Variants in CHST11 observed in about 807,000 individuals in gnomAD.
CHST11 encodes the protein C4S-1.
In CHST11, 9 loss-of-function variants were observed where a neutral mutation model predicts 30.4. The observed-to-expected ratio is 0.30, with a 90% CI of 0.18 to 0.52. The LOEUF (loss-of-function observed/expected upper bound fraction) is 0.52, where lower values mean the gene tolerates loss of function less well. CHST11 is among the 20% of genes least tolerant of loss of function. The probability of loss-of-function intolerance (pLI) is 0.97; values close to 1 mark genes in which losing one functional copy is unlikely to be tolerated. For missense variants in CHST11, 348 were observed against 460.6 expected (o/e 0.76, Z 2.24); for synonymous variants, 152 against 187.8 (o/e 0.81, Z 1.56).
At chr12:104,580,965 C>G (rs1029988974) in intron 1 of CHST11, among the ~76,000 whole-genome samples, 2 of 152,112 alleles carry the variant, frequency 1.3e-5, no homozygotes, top group Non-Finnish European at 2.9e-5. Context: ...GCAAGTGAAG[C>G]CTTGAATATT....
At chr12:104,623,666 C>T (rs547544756) in intron 2 of CHST11, among the ~76,000 whole-genome samples, 1 of 151,952 alleles carries the variant, frequency 6.6e-6, no homozygotes, top group East Asian at 1.9e-4. Context: ...GCCGAGATCG[C>T]GCCACTGTCA....
intron 2 of CHST11, among the ~76,000 whole-genome samples, chr12:104,715,740 C>T (rs1479305321): frequency 6.6e-6 from 1 of 152,142 alleles, no homozygotes; most frequent in East Asian, 1.9e-4. Context: ...CCTGTGACTC[C>T]CCTCCCCCTG....
Position 104,514,328 on chromosome 12 carries a change from C to T in CHST11, c.118+56799C>T, listed in dbSNP as rs966250995. ...GCCTGATCATTGGCTGTGCCAGAAA[C>T]CTGTCTCTCAAGCAGCAGCTCTTCT... On this transcript the variant is annotated intron_variant, in intron 1 of 2. Coordinates refer to ENST00000303694, the MANE Select transcript of CHST11 (RefSeq NM_018413.6). The T allele has an allele frequency of 3.8e-5, 37 of 971,558 alleles. No individual in the cohort carries two copies. The Admixed American group carries it at 6.3e-4, about 16-fold the overall frequency. 60.2% of individuals were successfully genotyped at this position (971,558 alleles called of 1,614,324 possible). A position where few individuals can be genotyped will look rare whatever the true frequency, so the allele number is the denominator to read the frequency against.
intron 2 of CHST11, among the ~76,000 whole-genome samples, chr12:104,701,031 C>T (rs1014604978): frequency 1.3e-5 from 2 of 152,102 alleles, no homozygotes; most frequent in Non-Finnish European, 2.9e-5. Context: ...TTGCTTGAAC[C>T]CCATAGGAGC....
rs79853995 is a variant in CHST11, at chr12:104,487,317, A to G, written c.118+29788A>G. ...CTCACTGTCTTCCAGGCAGGAGTGC[A>G]GTGGCATGATCATAGCTCACTGCAG... On this transcript the variant is annotated intron_variant, in intron 1 of 2. Coordinates refer to ENST00000303694, the MANE Select transcript of CHST11 (RefSeq NM_018413.6). 7.8e-3 allele frequency among the ~76,000 whole-genome samples: 1,183 copies of G among 152,286 alleles called. 16 individuals are homozygous for G. The highest frequency in any genetic ancestry group is 0.026 in the African/African-American group (1,092 of 41,552).
chr12:104,613,112 G>A (rs1049753499), intron 2 of CHST11, among the ~76,000 whole-genome samples: 2 of 151,696 alleles, frequency 1.3e-5, no homozygotes. Flanking sequence ...GTAGCCCCAG[G>A]TACCCGAGAG....
At chr12:104,639,269 T>C (rs2039352769) in intron 2 of CHST11, among the ~76,000 whole-genome samples, 1 of 152,184 alleles carries the variant, frequency 6.6e-6, no homozygotes, top group Non-Finnish European at 1.5e-5. Context: ...AGGTTGAAGA[T>C]TAAGATGGCA....
Position 104,468,174 on chromosome 12 carries a change from T to C in CHST11, c.118+10645T>C, listed in dbSNP as rs370166915. Among the ~76,000 whole-genome samples, 16 of 151,952 alleles carry C rather than the reference T, an allele frequency of 1.1e-4. No homozygotes were observed. In the South Asian group the frequency reaches 2.3e-3, roughly 22 times the overall value. On this transcript the variant is annotated intron_variant, in intron 1 of 2. Coordinates refer to ENST00000303694, the MANE Select transcript of CHST11 (RefSeq NM_018413.6). ...ATGTGAAGTGGCAGTGGTGGGGGGA[T>C]TGAAATTTTAAATAGGATTGTCAGG...
At chr12:104,653,171 C>T (rs551138206) in intron 2 of CHST11, among the ~76,000 whole-genome samples, 7 of 152,244 alleles carry the variant, frequency 4.6e-5, no homozygotes, top group African/African-American at 1.7e-4. Context: ...GCCAGCCTCT[C>T]GTAACCACCA....
intron 1 of CHST11, among the ~76,000 whole-genome samples, chr12:104,570,619 G>A (rs2038614782): frequency 6.6e-6 from 1 of 151,852 alleles, no homozygotes; most frequent in South Asian, 2.1e-4. Context: ...AGCAACTCGG[G>A]AATTTAGAAG....
intron 2 of CHST11, among the ~76,000 whole-genome samples, chr12:104,725,815 G>A (rs990559634): frequency 2.0e-5 from 3 of 152,086 alleles, no homozygotes; most frequent in Admixed American, 2.0e-4. Context: ...AACCCACACA[G>A]GACGGATGGT....
At chr12:104,547,607 A>G (rs1440914455) in intron 1 of CHST11, among the ~76,000 whole-genome samples, 1 of 152,132 alleles carries the variant, frequency 6.6e-6, no homozygotes, top group African/African-American at 2.4e-5. Flanking sequence ...GCTGAGTAAT[A>G]CATTGCATGG....
chr12:104,597,394 A>T (rs533503235), intron 1 of CHST11, among the ~76,000 whole-genome samples: 1 of 152,280 alleles, frequency 6.6e-6, no homozygotes, highest in South Asian at 2.1e-4. Flanking sequence ...GGTGGACAGC[A>T]GAAGCCTGCC....
intron 2 of CHST11, among the ~76,000 whole-genome samples, chr12:104,720,357 C>A (rs2040164556): frequency 2.0e-5 from 3 of 152,226 alleles, no homozygotes; most frequent in Admixed American, 6.5e-5. Context: ...GCCTCACGAT[C>A]GTGAGAGGCA....
chr12:104,697,016 C>T (rs1026677726), intron 2 of CHST11, among the ~76,000 whole-genome samples: 5 of 152,266 alleles, frequency 3.3e-5, no homozygotes, highest in African/African-American at 1.2e-4. Context: ...TATGTATCTA[C>T]CTATAGGTAG....
In CHST11 at chr12:104,600,764, C is replaced by T. The variant is rs2038949732; in HGVS notation, c.119-1142C>T. The stretch of plus-strand genomic sequence containing the variant: ...AAAGGATCTAGTTTTCCTTGTTCCA[C>T]TCATGCCACTGTTGCACCTCAAACC... On this transcript the variant is annotated intron_variant, in intron 1 of 2. Coordinates refer to ENST00000303694, the MANE Select transcript of CHST11 (RefSeq NM_018413.6). This position sits in a 1 kb window ranked among gnomAD's most constrained non-coding sequence, Gnocchi z 4.1. Among the ~76,000 whole-genome samples the T allele has an allele frequency of 1.3e-5, 2 of 152,220 alleles. No homozygotes were observed. The highest frequency in any genetic ancestry group is 1.3e-4 in the Admixed American group (2 of 15,286).
chr12:104,677,689 G>C (rs541837224), intron 2 of CHST11, among the ~76,000 whole-genome samples: 1 of 152,220 alleles, frequency 6.6e-6, no homozygotes, highest in African/African-American at 2.4e-5. Flanking sequence ...GCAGATTCAC[G>C]GAAGTTCAAA....
chr12:104,544,065 A>C (rs2038311421), intron 1 of CHST11, among the ~76,000 whole-genome samples: 1 of 151,078 alleles, frequency 6.6e-6, no homozygotes, highest in African/African-American at 2.4e-5. Flanking sequence ...TTGAGGCTGC[A>C]GTGAGCTATG....
chr12:104,706,834 T>G (rs967878351), intron 2 of CHST11, among the ~76,000 whole-genome samples: 24 of 152,150 alleles, frequency 1.6e-4, no homozygotes, highest in African/African-American at 5.8e-4. Context: ...TCTATGCCAC[T>G]GTAGAGCTGC....
Sources: gnomAD v4.1 joint callset for allele counts (sites outside exome capture counted in the v4.1 genomes callset) on GRCh38, gnomAD v4.1.1 for gene constraint, Gnocchi (gnomAD v3.1) non-coding constraint, MANE v1.5 for transcripts, NCBI Gene and HGNC (gene_info 2026-07-23, HGNC 2026-07-21) for gene names.